The following PGAP6 variants were observed in gnomAD, a reference collection of about 807,000 sequenced individuals.
PGAP6 encodes the protein post-GPI attachment to proteins factor 6.
In PGAP6, 62 loss-of-function variants were observed where a neutral mutation model predicts 68.4. That is an observed-to-expected ratio of 0.91 (90% CI 0.74 to 1.12). The LOEUF (loss-of-function observed/expected upper bound fraction) is 1.12. PGAP6 is among the 50% of genes most tolerant of loss of function. The pLI, the probability that PGAP6 is intolerant of heterozygous loss-of-function variation, is 0.00. For synonymous variants in PGAP6, 575 were observed against 474.0 expected (o/e 1.21, Z -2.77); for missense variants, 1,188 against 1,068.5 (o/e 1.11, Z -1.56).
chr16:378,162 C>T (rs1015832399), intron 1 of PGAP6, among the ~76,000 whole-genome samples: 2 of 150,646 alleles, frequency 1.3e-5, no homozygotes, highest in Non-Finnish European at 3.0e-5. Flanking sequence ...TGACTGCCAT[C>T]GCCACCCGCA....
At chr16:373,491 C>T (rs907846867) in intron 11 of PGAP6, among the ~76,000 whole-genome samples, 2 of 152,222 alleles carry the variant, frequency 1.3e-5, no homozygotes, top group Non-Finnish European at 2.9e-5. Flanking sequence ...CTGGCACTGC[C>T]CCCTCACAAC....
chr16:372,144 T>C lies in PGAP6; in HGVS notation c.2159A>G (p.Tyr720Cys). 1.2e-6 allele frequency: 2 copies of C among 1,612,604 alleles called. No homozygotes were observed. The highest frequency in any genetic ancestry group is 1.7e-6 in the Non-Finnish European group (2 of 1,179,906). Reference sequence around the variant, plus strand: ...CAGGATGTGCCAGATGCTGTGGGTGTAGTAGTAGTTGTCGCTAGTCATCAT... The same window carrying C: ...CAGGATGTGCCAGATGCTGTGGGTGCAGTAGTAGTTGTCGCTAGTCATCAT... ...TSMMTSDNYY[Y>C]THSIWHILLA... The change falls in exon 13 of 13, where the codon TAC becomes TGC. Residue 720 changes from tyrosine to cysteine, a missense_variant. Transcript: ENST00000431232.
chr16:375,555 T>C lies in PGAP6; in HGVS notation c.1225-120A>G. 6.2e-6 allele frequency: 5 copies of C among 801,060 alleles called. No homozygotes were observed. In the East Asian group the frequency reaches 7.9e-5, roughly 13 times the overall value. 49.6% of individuals were successfully genotyped at this position (801,060 alleles called of 1,614,324 possible). ...TTTCTTTTTTTTTTTTTTTCTGAGA[T>C]GGAGTCTTGCTCTGTCGCCCAGGCT... On this transcript the variant is annotated intron_variant, in intron 6 of 12. Coordinates refer to ENST00000431232, the MANE Select transcript of PGAP6 (RefSeq NM_021259.3).
Position 381,963 on chromosome 16 carries a change from C to T in PGAP6, c.-142G>A. The T allele has an allele frequency of 3.1e-6, 3 of 975,516 alleles. No homozygotes were observed. The highest frequency in any genetic ancestry group is 3.6e-6 in the Non-Finnish European group (3 of 822,068). 60.4% of individuals were successfully genotyped at this position (975,516 alleles called of 1,614,324 possible). ...CCATGGCCCGGCCGGTCCCCGCCGC[C>T]GTCGCCCCGGGCACTTCCGCCCGCA... On this transcript the variant is annotated 5_prime_UTR_variant, in exon 1 of 13. Transcript: ENST00000431232.
chr16:383,237 G>A (rs1215522128), upstream of PGAP6: 3 of 152,056 alleles, frequency 2.0e-5, no homozygotes, highest in Non-Finnish European at 4.4e-5. Flanking sequence ...CCATTAAAGT[G>A]ACTTCTTTTT....
upstream of PGAP6, chr16:382,260 C>T (rs997227963): frequency 2.7e-4 from 105 of 393,270 alleles, no homozygotes; most frequent in Non-Finnish European, 4.2e-4. Context: ...GCGTGGGCTC[C>T]GCGGGGCTTC....
chr16:381,412 G>A (rs545730346), intron 1 of PGAP6, among the ~76,000 whole-genome samples: 1 of 151,938 alleles, frequency 6.6e-6, no homozygotes, highest in Non-Finnish European at 1.5e-5. Context: ...CGCCGGGCGC[G>A]CCGGACCTGG....
intron 1 of PGAP6, among the ~76,000 whole-genome samples, chr16:379,605 ACAGCCCCTGGGCTGCTGGGGCAAAGCCCT>A (rs1324302299): frequency 6.6e-6 from 1 of 152,222 alleles, no homozygotes; most frequent in Non-Finnish European, 1.5e-5. Context: ...TGCAGCACAC[ACAGCCCCTGGGCTGCTGGGGCAAAGCCCT>A]CAGCCCCTCT....
At position 372,677 on chromosome 16, in the gene PGAP6, G is replaced by T; in HGVS notation, c.1953C>A (p.Asp651Glu). 6.2e-7 allele frequency: 1 copy of T among 1,612,464 alleles called. No individual in the cohort carries two copies. The highest frequency in any genetic ancestry group is 8.5e-7 in the Non-Finnish European group (1 of 1,179,830). The change falls in exon 12 of 13, where the codon GAC (aspartate) becomes GAA (glutamate). Residue 651 changes from aspartate (D) to glutamate (E), a missense_variant. Physicochemically the swap from Asp to Glu is conservative, Grantham distance 45. Coordinates refer to ENST00000431232, the MANE Select transcript of PGAP6 (RefSeq NM_021259.3). ...TLVIAMSLQL[D>E]RRGMWNMLGP... ...CCAGCATGTTCCACATGCCCCTGCGGTCCAGCTGCAAGGACATGGCGATGA... is the reference window on the plus strand; with the variant it reads ...CCAGCATGTTCCACATGCCCCTGCGTTCCAGCTGCAAGGACATGGCGATGA...
chr16:382,382 C>T (rs926699488), upstream of PGAP6: 16 of 378,818 alleles, frequency 4.2e-5, no homozygotes, highest in Middle Eastern at 6.7e-4. Flanking sequence ...GAGGAACCCG[C>T]GCCCTGCCCT....
chr16:376,350 T>A lies in PGAP6; in HGVS notation c.1010A>T (p.Asp337Val), dbSNP rs533011133. ...GLLSPSPDHQ[D>V]LGRSGRVDRS... ...GTCCACCCTGCCACTCCTGCCCAGG[T>A]CCTGGTGGTCGGGGCTCGGGGACAG... Residue 337 changes from aspartate (D) to valine (V), a missense_variant, in exon 6 of 13, where the codon GAC becomes GTC. Coordinates refer to ENST00000431232, the MANE Select transcript of PGAP6 (RefSeq NM_021259.3). The A allele has an allele frequency of 6.2e-7, 1 of 1,612,380 alleles. No homozygotes were observed. The highest frequency in any genetic ancestry group is 2.2e-5 in the East Asian group (1 of 44,844).
In PGAP6 at chr16:372,545, G is replaced by A. The variant is rs542545603; in HGVS notation, c.2019+66C>T. On this transcript the variant is annotated intron_variant, in intron 12 of 12. Transcript: ENST00000431232. ...TGGAGCAGGACCAGGAACGTGGCTA[G>A]AGCAAGGGGCCAGGCTCTCTTCTCC... The A allele has an allele frequency of 3.8e-6, 5 of 1,313,514 alleles. No individual in the cohort carries two copies. In the African/African-American group the frequency reaches 4.6e-5, roughly 12 times the overall value. The allele number at this position is 1,313,514 out of a possible 1,614,324, so 81.4% of individuals were successfully genotyped here.
At position 376,141 on chromosome 16, in the gene PGAP6, T is replaced by C. The variant is rs752310155; in HGVS notation, c.1219A>G (p.Asn407Asp). The change falls in exon 6 of 13, where the codon AAC (asparagine) becomes GAC (aspartate). Residue 407 changes from asparagine (N) to aspartate (D), a missense_variant. Coordinates refer to ENST00000431232, the MANE Select transcript of PGAP6 (RefSeq NM_021259.3). ...CGCTTGCAGACAGCAGGTACCTTGT[T>C]GGCCCGCAGGGAGATGGTGAGGGAA... ...GGSLTISLRA[N>D]KTEMRNETVV... 3.6e-5 allele frequency: 57 copies of C among 1,600,722 alleles called. No individual in the cohort carries two copies. Among genetic ancestry groups the C allele is most frequent in the Admixed American group, 2.5e-4 (15 of 59,532 alleles).
rs369257714 is a variant in PGAP6, at chr16:380,646, G to C, written c.121+1055C>G. On this transcript the variant is annotated intron_variant, in intron 1 of 12. Transcript: ENST00000431232. ...CCTCCCAAAGTGCGGGATTGCAGGC[G>C]TGAGCTTCGCGCCTGGCCATGGAGC... 5.3e-5 allele frequency among the ~76,000 whole-genome samples: 8 copies of C among 152,232 alleles called. No individual in the cohort carries two copies. In the East Asian group the frequency reaches 1.5e-3, roughly 29 times the overall value.
rs1324542702 is a variant in PGAP6, at chr16:374,306, A to G, written c.1670T>C (p.Met557Thr). The G allele has an allele frequency of 2.5e-6, 4 of 1,606,354 alleles. No individual in the cohort carries two copies. Among genetic ancestry groups the G allele is most frequent in the Non-Finnish European group, 2.5e-6 (3 of 1,179,766 alleles). The change falls in exon 10 of 13, where the codon ATG (methionine) becomes ACG (threonine). Residue 557 changes from methionine to threonine, a missense_variant. Physicochemically the swap from Met to Thr is moderately conservative, Grantham distance 81 (BLOSUM62 -1). Transcript: ENST00000431232. The part of the protein sequence containing the change: ...ATLLLTLSNL[M>T]FLAPIAVSVR... ...TGAGACGGCGATGGGGGCCAGGAACATGAGGTTGCTGAGCGTGAGCAGCAG... is the reference window on the plus strand; with the variant it reads ...TGAGACGGCGATGGGGGCCAGGAACGTGAGGTTGCTGAGCGTGAGCAGCAG...
intron 1 of PGAP6, 46 bp downstream of exon 1, chr16:381,655 C>G: frequency 1.7e-6 from 2 of 1,176,234 alleles, no homozygotes; most frequent in Non-Finnish European, 2.1e-6. Context: ...GCCCCGCCCG[C>G]AGCCCCGGCC....
upstream of PGAP6, among the ~76,000 whole-genome samples, chr16:383,773 G>A (rs1377703131): frequency 6.6e-6 from 1 of 152,232 alleles, no homozygotes; most frequent in Non-Finnish European, 1.5e-5. Flanking sequence ...GAGGAGAGGC[G>A]GGGTGGGGAT....
rs749483168 is a variant in PGAP6 at position 376,300 on chromosome 16, AG to A, written c.1059del (p.Tyr354ThrfsTer23). The A allele has an allele frequency of 1.2e-5, 19 of 1,612,206 alleles. No individual in the cohort carries two copies. The highest frequency in any genetic ancestry group is 1.6e-5 in the Non-Finnish European group (19 of 1,179,850). The part of the protein sequence containing the change: ...RVDRSPFCLT[N>X]YPVTREDMDV... Reference sequence around the variant, plus strand: ...TCCATGTCCTCCCGCGTGACTGGGTAGTTTGTGAGGCAGAAGGGGCTGCGGT... The same window carrying A: ...TCCATGTCCTCCCGCGTGACTGGGTATTTGTGAGGCAGAAGGGGCTGCGGT... On this transcript the variant is annotated frameshift_variant, in exon 6 of 13. Coordinates refer to ENST00000431232, the MANE Select transcript of PGAP6 (RefSeq NM_021259.3). LOFTEE classifies it high-confidence loss of function.
At chr16:379,963 TC>T (rs530334763) in intron 1 of PGAP6, among the ~76,000 whole-genome samples, 17 of 152,170 alleles carry the variant, frequency 1.1e-4, no homozygotes, top group Non-Finnish European at 1.9e-4. Flanking sequence ...GTAATGCAAG[TC>T]CCTGGCCCTG....
Sources: gnomAD v4.1 joint callset for allele counts (sites outside exome capture counted in the v4.1 genomes callset) on GRCh38, gnomAD v4.1.1 for gene constraint, MANE v1.5 for transcripts, NCBI Gene and HGNC (gene_info 2026-07-23, HGNC 2026-07-21) for gene names.